DCAF8L2: variants seen among roughly 807,000 people sequenced by gnomAD.
DCAF8L2 encodes DDB1- and CUL4-associated factor 8-like protein 2.
For synonymous variants in DCAF8L2, 200 were observed against 190.9 expected, an observed-to-expected ratio of 1.05 and a Z score of -0.39; for missense variants, 430 against 490.7, an observed-to-expected ratio of 0.88 and a Z score of 1.17.
upstream of DCAF8L2, among the ~76,000 whole-genome samples, chrX:27,588,507 AT>A (rs765570593): frequency 3.6e-5 from 4 of 111,424 alleles, no homozygotes; most frequent in South Asian, 1.5e-3. Context: ...CAGTAATGAG[AT>A]TGCTTGGTTG....
At chrX:27,506,948 A>G in the DCAF8L2 span, among the ~76,000 whole-genome samples, 1 of 107,988 alleles carries the variant, frequency 9.3e-6, no homozygotes, top group East Asian at 3.0e-4. Flanking sequence ...TTTTGGGGGG[A>G]CACAATTCTT....
At chrX:27,619,869 TAAAA>T (rs201872018) in intron 1 of DCAF8L2, among the ~76,000 whole-genome samples, 1 of 109,568 alleles carries the variant, frequency 9.1e-6, no homozygotes, top group African/African-American at 3.3e-5. Context: ...ATAGGTAAAG[TAAAA>T]AAAAGACTAA....
the DCAF8L2 span, among the ~76,000 whole-genome samples, chrX:27,547,885 C>CTT: frequency 5.2e-4 from 28 of 54,321 alleles, 1 homozygote; most frequent in Admixed American, 2.4e-3. Flanking sequence ...CTCTCTCTCT[C>CTT]TCTCTTTCTC....
At chrX:27,504,328 T>A in the DCAF8L2 span, among the ~76,000 whole-genome samples, 1 of 111,771 alleles carries the variant, frequency 8.9e-6, no homozygotes, top group Non-Finnish European at 1.9e-5. Context: ...TTTAGGCATA[T>A]CTCCTAACTC....
chrX:27,515,968 T>A, the DCAF8L2 span, among the ~76,000 whole-genome samples: 1 of 112,280 alleles, frequency 8.9e-6, no homozygotes, highest in African/African-American at 3.2e-5. Context: ...GCAACCTTTC[T>A]TTTTCATAAT....
chrX:27,714,970 T>C (rs1010822194), intron 3 of DCAF8L2, among the ~76,000 whole-genome samples: 4 of 111,745 alleles, frequency 3.6e-5, no homozygotes, highest in African/African-American at 6.5e-5. Flanking sequence ...TTTCAGAAAA[T>C]AGCTTCTCAC....
intron 2 of DCAF8L2, among the ~76,000 whole-genome samples, chrX:27,650,132 C>T (rs1171777690): frequency 2.7e-5 from 3 of 111,210 alleles, no homozygotes; most frequent in East Asian, 5.7e-4. Flanking sequence ...TCTGGGTTCT[C>T]CATTCTGTTC....
the DCAF8L2 span, among the ~76,000 whole-genome samples, chrX:27,564,178 A>C: frequency 9.0e-6 from 1 of 111,535 alleles, no homozygotes; most frequent in African/African-American, 3.3e-5. Flanking sequence ...CCTTCTCGAC[A>C]TGGCAGCAGC....
intron 3 of DCAF8L2, among the ~76,000 whole-genome samples, chrX:27,681,358 T>C (rs1930321848): frequency 9.0e-6 from 1 of 111,470 alleles, no homozygotes; most frequent in African/African-American, 3.3e-5. Flanking sequence ...AGGTCTGACG[T>C]AATATTTTAT....
intron 4 of DCAF8L2, among the ~76,000 whole-genome samples, chrX:27,725,089 CT>C (rs1932025664): frequency 2.2e-5 from 2 of 91,581 alleles, no homozygotes. Flanking sequence ...TTTATAAATT[CT>C]TTTTTTAAAA....
chrX:27,653,391 G>C (rs912562568), intron 2 of DCAF8L2, among the ~76,000 whole-genome samples: 1 of 111,487 alleles, frequency 9.0e-6, no homozygotes, highest in Admixed American at 9.6e-5. Context: ...GCTAGATCTA[G>C]TTCATTGGTT....
chrX:27,690,458 C>T (rs922550876), intron 3 of DCAF8L2, among the ~76,000 whole-genome samples: 1 of 111,385 alleles, frequency 9.0e-6, no homozygotes, highest in Non-Finnish European at 1.9e-5. Flanking sequence ...CAGACAAATA[C>T]ATTTCAAAGT....
At chrX:27,739,943 T>G (rs1323291748) in intron 4 of DCAF8L2, among the ~76,000 whole-genome samples, 1 of 111,194 alleles carries the variant, frequency 9.0e-6, no homozygotes, top group African/African-American at 3.3e-5. Flanking sequence ...TCTGGGGAAT[T>G]TATTTCCCTG....
chrX:27,660,901 G>T (rs1305961910), intron 2 of DCAF8L2, among the ~76,000 whole-genome samples: 1 of 112,249 alleles, frequency 8.9e-6, no homozygotes, highest in Non-Finnish European at 1.9e-5. Context: ...GGAGACAGCA[G>T]TATTATTGAT....
At chrX:27,524,649 T>A in the DCAF8L2 span, among the ~76,000 whole-genome samples, 1 of 111,573 alleles carries the variant, frequency 9.0e-6, no homozygotes, top group African/African-American at 3.3e-5. Flanking sequence ...TCTTTCCTGC[T>A]TTCTCTTTTG....
At chrX:27,485,180 G>T in the DCAF8L2 span, among the ~76,000 whole-genome samples, 17 of 111,796 alleles carry the variant, frequency 1.5e-4, no homozygotes, top group East Asian at 4.5e-3. Flanking sequence ...CTCAATCTTG[G>T]GATTAGAACT....
Position 27,747,434 on chromosome X carries a change from C to G in DCAF8L2, c.539C>G (p.Ser180Cys), listed in dbSNP as rs1922295076. 8.5e-7 allele frequency: 1 copy of G among 1,174,014 alleles called. No homozygotes were observed. The highest frequency in any genetic ancestry group is 1.8e-5 in the African/African-American group (1 of 56,586). ...GAGGAGTGGGTTTCCTCAGAGACAT[C>G]TGCCCTGCCCCGACCTCGCTGGCAG... is the stretch of plus-strand genomic sequence containing the variant. ...ALEEWVSSET[S>C]ALPRPRWQVV... The change falls in exon 5 of 5, where the codon TCT becomes TGT. Residue 180 changes from serine (S) to cysteine (C), a missense_variant. By Grantham distance (112) the Ser-to-Cys change is moderately radical. Transcript: ENST00000451261.
chrX:27,630,742 TA>T (rs1397786546), intron 1 of DCAF8L2, among the ~76,000 whole-genome samples: 1 of 111,791 alleles, frequency 8.9e-6, no homozygotes, highest in Admixed American at 9.5e-5. Context: ...GAGTGGCTTA[TA>T]AAAAAATAGA....
chrX:27,513,291 A>G, the DCAF8L2 span, among the ~76,000 whole-genome samples: 3 of 112,405 alleles, frequency 2.7e-5, no homozygotes, highest in East Asian at 8.4e-4. Context: ...GAAACTATCA[A>G]CAGAGTGAAG....
Sources: gnomAD v4.1 joint callset for allele counts (sites outside exome capture counted in the v4.1 genomes callset) on GRCh38, gnomAD v4.1.1 for gene constraint, MANE v1.5 for transcripts, NCBI Gene and HGNC (gene_info 2026-07-23, HGNC 2026-07-21) for gene names.